Variants in PRUNE2 observed in about 807,000 individuals in gnomAD.
PRUNE2 encodes prune homolog 2 with BCH domain, also known as protein prune homolog 2.
PRUNE2 carries 164 observed loss-of-function variants against 252.0 expected under a neutral mutation model. That is an observed-to-expected ratio of 0.65 (90% CI 0.57 to 0.74). The LOEUF (loss-of-function observed/expected upper bound fraction) is 0.74, where lower values mean the gene tolerates loss of function less well. Among genes scored for constraint, PRUNE2 ranks in the 30% least tolerant of loss-of-function variants. PRUNE2 has a pLI of 0.00. For synonymous variants in PRUNE2, 1,292 were observed against 1,350.2 expected (o/e 0.96, Z 0.94); for missense variants, 3,495 against 3,711.0 (o/e 0.94, Z 1.51).
intron 12 of PRUNE2, among the ~76,000 whole-genome samples, chr9:76,640,072 C>A (rs1189839602): frequency 6.6e-6 from 1 of 152,202 alleles, no homozygotes; most frequent in East Asian, 1.9e-4. Context: ...CCTGTCTAAA[C>A]GATTGAAATT....
chr9:76,740,608 T>C (rs567597608), intron 6 of PRUNE2, among the ~76,000 whole-genome samples: 15 of 152,216 alleles, frequency 9.9e-5, no homozygotes, highest in Non-Finnish European at 1.6e-4. Flanking sequence ...TTGCATTTGC[T>C]TTCTCAATGA....
At position 76,815,675 on chromosome 9, in the gene PRUNE2, A is replaced by G. The variant is rs528888164; in HGVS notation, c.756+7957T>C. On this transcript the variant is annotated intron_variant, in intron 6 of 18. Coordinates refer to ENST00000376718, the MANE Select transcript of PRUNE2 (RefSeq NM_015225.3). Reference sequence around the variant, plus strand: ...TTTATATAATCCCTGTTGCAAAATCATAGCTAGAAAAAGTACTCAGGTATT... The same window carrying G: ...TTTATATAATCCCTGTTGCAAAATCGTAGCTAGAAAAAGTACTCAGGTATT... 4.6e-5 allele frequency among the ~76,000 whole-genome samples: 7 copies of G among 152,326 alleles called. No individual in the cohort carries two copies. The South Asian group carries it at 1.5e-3, about 32-fold the overall frequency.
At chr9:76,810,550 C>T (rs1187229125) in intron 6 of PRUNE2, among the ~76,000 whole-genome samples, 2 of 152,170 alleles carry the variant, frequency 1.3e-5, no homozygotes, top group Non-Finnish European at 2.9e-5. Context: ...CTAGGCGACA[C>T]CACTGACCTG....
chr9:76,880,449 G>A (rs2061712060), intron 1 of PRUNE2, among the ~76,000 whole-genome samples: 3 of 152,114 alleles, frequency 2.0e-5, no homozygotes, highest in African/African-American at 4.8e-5. Flanking sequence ...CTGGGTAGAC[G>A]TCTGCACAAA....
chr9:76,638,228 C>T lies in PRUNE2; in HGVS notation c.8789G>A (p.Ser2930Asn). 2 of 1,613,774 alleles carry T rather than the reference C, an allele frequency of 1.2e-6. No homozygotes were observed. Among genetic ancestry groups the T allele is most frequent in the Non-Finnish European group, 1.7e-6 (2 of 1,179,738 alleles). ...IVFAACFLPD[S>N]SRADYHYVME... ...GACATAGTGGTAATCCGCCCGACTG[C>T]TGTCTGGCAGAAAACAGGCGGCAAA... is the stretch of plus-strand genomic sequence containing the variant. Residue 2930 changes from serine to asparagine, a missense_variant, in exon 13 of 19, where the codon AGC (serine) becomes AAC (asparagine). Coordinates refer to ENST00000376718, the MANE Select transcript of PRUNE2 (RefSeq NM_015225.3).
At chr9:76,648,962 T>C (rs919705409) in intron 11 of PRUNE2, among the ~76,000 whole-genome samples, 10 of 152,178 alleles carry the variant, frequency 6.6e-5, no homozygotes, top group Admixed American at 5.9e-4. Context: ...ATGTAAACTA[T>C]GGACCTTGGG....
chr9:76,846,378 C>T, intron 4 of PRUNE2, 137 bp downstream of exon 4: 1 of 632,984 alleles, frequency 1.6e-6, no homozygotes, highest in South Asian at 3.0e-5. Context: ...TCTTTACTCC[C>T]TGCCTCTCTG....
chr9:76,861,119 T>C (rs1469949915), intron 1 of PRUNE2, among the ~76,000 whole-genome samples: 4 of 152,114 alleles, frequency 2.6e-5, no homozygotes, highest in South Asian at 2.1e-4. Context: ...GATGGTACCA[T>C]GGCCAAGTGA....
At chr9:76,623,434 A>G (rs1833261328) in intron 17 of PRUNE2, among the ~76,000 whole-genome samples, 2 of 151,948 alleles carry the variant, frequency 1.3e-5, no homozygotes, top group Non-Finnish European at 2.9e-5. Context: ...AGCTCGGACT[A>G]TAGGCGTGCA....
chr9:76,747,445 A>G lies in PRUNE2; in HGVS notation c.757-33724T>C, dbSNP rs77552819. On this transcript the variant is annotated intron_variant, in intron 6 of 18. Transcript: ENST00000376718. ...AAACACATGGTCTCATTTTGATTTT[A>G]TGTTCCATGATAATCCTATTCTTTC... 7.3e-3 allele frequency among the ~76,000 whole-genome samples: 1,107 copies of G among 152,226 alleles called. 9 individuals carry two copies. The highest frequency in any genetic ancestry group is 0.067 in the East Asian group (347 of 5,172).
intron 6 of PRUNE2, among the ~76,000 whole-genome samples, chr9:76,751,591 G>T (rs548847897): frequency 6.6e-6 from 1 of 152,000 alleles, no homozygotes; most frequent in African/African-American, 2.4e-5. Context: ...TTGTATCTTC[G>T]TGGGAAATGT....
In PRUNE2 at chr9:76,741,685, CAAGT is replaced by C. The variant is rs369537109; in HGVS notation, c.757-27968_757-27965del. Among the ~76,000 whole-genome samples the C allele has an allele frequency of 6.6e-5, 10 of 152,308 alleles. No individual in the cohort carries two copies. The East Asian group carries it at 1.9e-3, about 29-fold the overall frequency. Reference sequence around the variant, plus strand: ...AAACACCTCAGCTGACAGAAGAATGCAAGTTAGCTCCCCCTACCTTGGTGTTATC... The same window carrying C: ...AAACACCTCAGCTGACAGAAGAATGCTAGCTCCCCCTACCTTGGTGTTATC... On this transcript the variant is annotated intron_variant, in intron 6 of 18. Transcript: ENST00000376718.
Position 76,706,323 on chromosome 9 carries a change from G to A in PRUNE2, c.5951C>T (p.Thr1984Ile), listed in dbSNP as rs2046311816. 1.2e-6 allele frequency: 2 copies of A among 1,613,822 alleles called. No homozygotes were observed. Among genetic ancestry groups the A allele is most frequent in the Non-Finnish European group, 1.7e-6 (2 of 1,179,844 alleles). Residue 1984 changes from threonine (T) to isoleucine (I), a missense_variant, in exon 8 of 19, where the codon ACA (threonine) becomes ATA (isoleucine). Coordinates refer to ENST00000376718, the MANE Select transcript of PRUNE2 (RefSeq NM_015225.3). ...ACCTTCATTAGTTGAAACATTAGAT[G>A]TAACACAACTATTTTCCTCTGCGTG... is the stretch of plus-strand genomic sequence containing the variant. The part of the protein sequence containing the change: ...FTHAEENSCV[T>I]SNVSTNEGQE...
intron 1 of PRUNE2, among the ~76,000 whole-genome samples, chr9:76,901,382 T>G (rs1361571211): frequency 6.6e-6 from 1 of 152,230 alleles, no homozygotes; most frequent in Non-Finnish European, 1.5e-5. Context: ...GGGCAGGAGC[T>G]GATCCCATGG....
At chr9:76,655,541 G>A (rs1401113526) in intron 9 of PRUNE2, 39 bp from the exon 10 acceptor site, 3 of 1,421,510 alleles carry the variant, frequency 2.1e-6, no homozygotes, top group Non-Finnish European at 3.0e-6. Flanking sequence ...AACAACAACT[G>A]TGTAAGACTT....
intron 6 of PRUNE2, among the ~76,000 whole-genome samples, chr9:76,777,966 C>T (rs1422187733): frequency 6.6e-6 from 1 of 152,108 alleles, no homozygotes; most frequent in African/African-American, 2.4e-5. Context: ...AGGAAGACAG[C>T]ATGTCTATAG....
intron 13 of PRUNE2, 148 bp downstream of exon 13, chr9:76,638,038 G>A (rs889134375): frequency 6.6e-6 from 4 of 610,640 alleles, no homozygotes; most frequent in Non-Finnish European, 1.2e-5. Context: ...AGCCCCTTGA[G>A]CAACATTCCT....
At chr9:76,724,274 C>T (rs555871500) in intron 6 of PRUNE2, among the ~76,000 whole-genome samples, 1 of 124,434 alleles carries the variant, frequency 8.0e-6, no homozygotes, top group Non-Finnish European at 1.6e-5. Flanking sequence ...GCTTGGGCAA[C>T]ATGGTGAGAC....
At chr9:76,857,121 C>T (rs960756732) in intron 1 of PRUNE2, 10 of 455,854 alleles carry the variant, frequency 2.2e-5, no homozygotes, top group African/African-American at 1.8e-4. Flanking sequence ...CATCAAGTTC[C>T]TTCATGGTCA....
Sources: allele counts gnomAD v4.1 joint callset (sites outside exome capture counted in the v4.1 genomes callset), GRCh38; gene constraint gnomAD v4.1.1; transcripts MANE v1.5; gene names NCBI Gene and HGNC (gene_info 2026-07-23, HGNC 2026-07-21).